Variants in CTBP2 observed in about 807,000 individuals in gnomAD.
CTBP2 encodes C-terminal-binding protein 2.
Under a neutral mutation model 80.3 loss-of-function variants are expected in CTBP2, and 30 were observed. The observed-to-expected ratio is 0.37, with a 90% CI of 0.28 to 0.51. The LOEUF (loss-of-function observed/expected upper bound fraction) is 0.51. CTBP2 is among the 20% of genes least tolerant of loss of function. The probability of loss-of-function intolerance (pLI) is 0.93; values close to 1 mark genes in which losing one functional copy is unlikely to be tolerated. For missense variants in CTBP2, 1,212 were observed against 1,375.3 expected, an observed-to-expected ratio of 0.88 and a Z score of 1.88; for synonymous variants, 594 against 587.4, an observed-to-expected ratio of 1.01 and a Z score of -0.16.
chr10:125,115,433 T>C (rs1005731413), intron 1 of CTBP2, among the ~76,000 whole-genome samples: 1 of 151,890 alleles, frequency 6.6e-6, no homozygotes, highest in South Asian at 2.1e-4. Context: ...GAACAAGGAG[T>C]TAGCAAGAAT....
rs1844581935 is a variant in CTBP2 at position 125,066,075 on chromosome 10, A to C, written c.-101-26920T>G. 1.1e-5 allele frequency among the ~76,000 whole-genome samples: 1 copy of C among 91,336 alleles called. No homozygotes were observed. Among genetic ancestry groups the C allele is most frequent in the African/African-American group, 5.9e-5 (1 of 16,950 alleles). 59.9% of individuals were successfully genotyped at this position (91,336 alleles called of 152,430 possible). On this transcript the variant is annotated intron_variant, in intron 2 of 10. Coordinates refer to the CTBP2 transcript ENST00000337195. This position sits in a 1 kb window ranked among gnomAD's most constrained non-coding sequence, Gnocchi z 4.1. ...CTGATTGTGCCATGGCACTCTAGCC[A>C]AAAAAAAAAAGCCGTCATCTTCTTG...
Position 125,025,445 on chromosome 10 carries a change from G to A in CTBP2, c.1678+637C>T, listed in dbSNP as rs140281489. Among the ~76,000 whole-genome samples, 261 of 152,184 alleles carry A rather than the reference G, an allele frequency of 1.7e-3. 1 individual carries two copies. The highest frequency in any genetic ancestry group is 5.0e-3 in the African/African-American group (207 of 41,510). ...GAAATATATCCTTCCCTTCAAGCACGCGGAATTCCCAACTGTATTTTCTGA... is the reference window on the plus strand; with the variant it reads ...GAAATATATCCTTCCCTTCAAGCACACGGAATTCCCAACTGTATTTTCTGA... On this transcript the variant is annotated intron_variant, in intron 1 of 8. Coordinates refer to ENST00000309035, the MANE Select transcript of CTBP2 (RefSeq NM_022802.3).
intron 2 of CTBP2, among the ~76,000 whole-genome samples, chr10:125,089,354 A>T (rs1392605866): frequency 6.6e-6 from 1 of 152,226 alleles, no homozygotes; most frequent in African/African-American, 2.4e-5. Context: ...GCCTGACAGA[A>T]TCAGTGAAAT....
chr10:125,027,034 G>A lies in CTBP2; in HGVS notation c.726C>T (p.Pro242=), dbSNP rs148309859. The A allele has an allele frequency of 4.3e-4, 694 of 1,613,528 alleles. 4 individuals are homozygous for A. In the African/African-American group the frequency reaches 7.5e-3, roughly 18 times the overall value. ...CTGGGGCCACCCCTGTGCTGCCTTC[G>A]GGGGCAGCAGCTGAACTGGGGTCCA... Residue 242 remains proline (P), a synonymous_variant, in exon 1 of 9, where the codon CCC becomes CCT. Coordinates refer to ENST00000309035, the MANE Select transcript of CTBP2 (RefSeq NM_022802.3).
intron 1 of CTBP2, among the ~76,000 whole-genome samples, chr10:125,150,454 A>G (rs1011959793): frequency 3.2e-4 from 49 of 152,166 alleles, no homozygotes; most frequent in African/African-American, 1.1e-3. Flanking sequence ...GGGAGGAAAG[A>G]AGGAGTCTAG....
intron 1 of CTBP2, among the ~76,000 whole-genome samples, chr10:125,117,250 C>G (rs1853494390): frequency 6.6e-6 from 1 of 152,226 alleles, no homozygotes; most frequent in Admixed American, 6.5e-5. Context: ...TGGCCGCCAG[C>G]TGGCTCTGCA....
chr10:125,068,301 G>A (rs553644249), intron 2 of CTBP2, among the ~76,000 whole-genome samples: 1 of 152,318 alleles, frequency 6.6e-6, no homozygotes, highest in South Asian at 2.1e-4. Context: ...CCAAATTCAG[G>A]AGTGTGAAAC....
upstream of CTBP2, chr10:125,161,055 C>G (rs1228417059): frequency 5.5e-5 from 7 of 127,552 alleles, no homozygotes; most frequent in African/African-American, 1.7e-4. Context: ...GCTCACTCCT[C>G]GCTCCTGTTT....
chr10:125,020,477 A>T (rs1351174808), intron 1 of CTBP2, among the ~76,000 whole-genome samples: 1 of 152,234 alleles, frequency 6.6e-6, no homozygotes, highest in Non-Finnish European at 1.5e-5. Context: ...TGAGGAGGTC[A>T]GTCAACGCGG....
intron 2 of CTBP2, among the ~76,000 whole-genome samples, chr10:125,043,370 G>C (rs79661267): frequency 6.6e-6 from 1 of 152,144 alleles, no homozygotes; most frequent in Admixed American, 6.5e-5. Flanking sequence ...GCGCCCTTAA[G>C]GTTACACAGC....
At chr10:125,014,671 C>T (rs80013110) in intron 1 of CTBP2, among the ~76,000 whole-genome samples, 2,234 of 152,304 alleles carry the variant, frequency 0.015, 49 homozygotes, top group African/African-American at 0.048. Context: ...CAGAACTTGC[C>T]GAGACGGGAA....
intron 1 of CTBP2, among the ~76,000 whole-genome samples, chr10:125,017,941 T>G (rs1482842216): frequency 6.6e-6 from 1 of 152,232 alleles, no homozygotes; most frequent in Admixed American, 6.5e-5. Context: ...TCATGATGAC[T>G]GCTGCTCCAG....
At chr10:125,029,152 CT>C (rs1957936357), upstream of CTBP2, among the ~76,000 whole-genome samples, 1 of 152,146 alleles carries the variant, frequency 6.6e-6, no homozygotes, top group Non-Finnish European at 1.5e-5. Context: ...AACCCGAGTG[CT>C]GTTCCTCACT....
intron 2 of CTBP2, among the ~76,000 whole-genome samples, chr10:125,084,502 C>A (rs1221222603): frequency 3.3e-5 from 5 of 152,194 alleles, no homozygotes; most frequent in Admixed American, 3.3e-4. Context: ...GGCTCCCGCC[C>A]AAACCTTCCC....
intron 2 of CTBP2, among the ~76,000 whole-genome samples, chr10:125,043,458 A>G (rs1011021939): frequency 5.9e-5 from 9 of 151,892 alleles, no homozygotes; most frequent in African/African-American, 1.9e-4. Context: ...CTTTTTTGAG[A>G]AGGAGTCTTG....
chr10:125,089,134 T>C (rs557491955), intron 2 of CTBP2, among the ~76,000 whole-genome samples: 4 of 152,354 alleles, frequency 2.6e-5, no homozygotes, highest in South Asian at 2.1e-4. Flanking sequence ...GCGACCTACA[T>C]AGTATTTCAG....
At chr10:125,090,990 C>T (rs1659210485) in intron 2 of CTBP2, among the ~76,000 whole-genome samples, 1 of 152,184 alleles carries the variant, frequency 6.6e-6, no homozygotes, top group Admixed American at 6.5e-5. Context: ...TTCCCAATGC[C>T]ACACAGCTAC....
At position 124,994,756 on chromosome 10, in the gene CTBP2, T is replaced by TG. The variant is rs1197838380; in HGVS notation, c.2186-74dup. 11 of 1,476,750 alleles carry TG rather than the reference T, an allele frequency of 7.4e-6. No individual in the cohort carries two copies. In the Admixed American group the frequency reaches 1.9e-4, roughly 26 times the overall value. The allele number at this position is 1,476,750 out of a possible 1,614,324, so 91.5% of individuals were successfully genotyped here. A position where few individuals can be genotyped will look rare whatever the true frequency, so the allele number is the denominator to read the frequency against. The stretch of plus-strand genomic sequence containing the variant: ...CCAGCGCTGCCACCTCCATTGCTTC[T>TG]GAGCTGAGTCCGGGCTTGGCATCCC... On this transcript the variant is annotated intron_variant, in intron 4 of 8. Coordinates refer to ENST00000309035, the MANE Select transcript of CTBP2 (RefSeq NM_022802.3).
chr10:125,047,494 C>A (rs1961561717), intron 2 of CTBP2, among the ~76,000 whole-genome samples: 1 of 152,226 alleles, frequency 6.6e-6, no homozygotes, highest in Admixed American at 6.5e-5. Context: ...ATTGGGCACA[C>A]ACAATACATC....
Sources: gnomAD v4.1 joint callset for allele counts (sites outside exome capture counted in the v4.1 genomes callset) on GRCh38, gnomAD v4.1.1 for gene constraint, Gnocchi (gnomAD v3.1) non-coding constraint, MANE v1.5 for transcripts, NCBI Gene and HGNC (gene_info 2026-07-23, HGNC 2026-07-21) for gene names.